The following SEL1L3 variants were observed in gnomAD, a reference collection of about 807,000 sequenced individuals.
The protein encoded by SEL1L3 is protein sel-1 homolog 3.
Under a neutral mutation model 142.8 loss-of-function variants are expected in SEL1L3, and 76 were observed. The ratio of observed to expected loss-of-function variants is 0.53; its 90% CI spans 0.44 to 0.64. SEL1L3 has a LOEUF of 0.64. Ranked by LOEUF, SEL1L3 falls within the 30% of genes least tolerant of loss-of-function variation. The probability of loss-of-function intolerance (pLI) is 0.00; values close to 1 mark genes in which losing one functional copy is unlikely to be tolerated. For synonymous variants in SEL1L3, 504 were observed against 519.6 expected, an observed-to-expected ratio of 0.97 and a Z score of 0.41; for missense variants, 1,262 against 1,381.7, an observed-to-expected ratio of 0.91 and a Z score of 1.37.
At chr4:25,723,040 C>T in the SEL1L3 span, among the ~76,000 whole-genome samples, 1 of 152,112 alleles carries the variant, frequency 6.6e-6, no homozygotes. Context: ...CTGGCAAGAA[C>T]AGTCCTTAAT....
chr4:25,834,898 C>T (rs757807045), intron 3 of SEL1L3, among the ~76,000 whole-genome samples: 1 of 152,234 alleles, frequency 6.6e-6, no homozygotes, highest in Non-Finnish European at 1.5e-5. Flanking sequence ...TGTGTGCTGG[C>T]TTTGGCTGGC....
chr4:25,790,443 C>A lies in SEL1L3; in HGVS notation c.2076+12G>T, dbSNP rs1360711370. 6.2e-7 allele frequency: 1 copy of A among 1,613,440 alleles called. No homozygotes were observed. The highest frequency in any genetic ancestry group is 8.5e-7 in the Non-Finnish European group (1 of 1,179,592). The stretch of plus-strand genomic sequence containing the variant: ...CTGACAGAATCCCCAAGACAGTAGC[C>A]TGCGTTTTTACCTGAGCTGCTGCAT... On this transcript the variant is annotated intron_variant, in intron 12 of 23. Coordinates refer to ENST00000399878, the MANE Select transcript of SEL1L3 (RefSeq NM_015187.5).
At chr4:25,728,897 C>T in the SEL1L3 span, among the ~76,000 whole-genome samples, 1 of 151,720 alleles carries the variant, frequency 6.6e-6, no homozygotes, top group African/African-American at 2.4e-5. Context: ...AAATCCTAAG[C>T]CCCCTGATCA....
intron 23 of SEL1L3, among the ~76,000 whole-genome samples, chr4:25,753,204 A>G (rs1213204804): frequency 5.3e-5 from 8 of 152,256 alleles, no homozygotes; most frequent in African/African-American, 1.9e-4. Flanking sequence ...ATCACAGAGC[A>G]TATAAACTCA....
At position 25,788,894 on chromosome 4, in the gene SEL1L3, G is replaced by GC. The variant is rs768771185; in HGVS notation, c.2077-531dup. Reference sequence around the variant, plus strand: ...TACTTATCTTTGTCCCTGTCTGTTAGCCCCCCAACCCAGCAGAGCTCAGCA... The same window carrying GC: ...TACTTATCTTTGTCCCTGTCTGTTAGCCCCCCCAACCCAGCAGAGCTCAGCA... On this transcript the variant is annotated intron_variant, in intron 12 of 23. Coordinates refer to ENST00000399878, the MANE Select transcript of SEL1L3 (RefSeq NM_015187.5). This position sits in a 1 kb window ranked among gnomAD's most constrained non-coding sequence, Gnocchi z 5.3. 6.6e-6 allele frequency among the ~76,000 whole-genome samples: 1 copy of GC among 152,124 alleles called. No homozygotes were observed. Among genetic ancestry groups the GC allele is most frequent in the Non-Finnish European group, 1.5e-5 (1 of 68,018 alleles).
rs879068722 is a variant in SEL1L3 at position 25,757,457 on chromosome 4, CAAAAAAAA to C, written c.3259+69_3259+76del. 25 of 408,824 alleles carry C rather than the reference CAAAAAAAA, an allele frequency of 6.1e-5. 1 individual carries two copies. Among genetic ancestry groups the C allele is most frequent in the East Asian group, 3.4e-4 (5 of 14,650 alleles). The allele number at this position is 408,824 out of a possible 1,614,324, so 25.3% of individuals were successfully genotyped here. ...GGAAAACACAATTTTTCCAGTAGAC[CAAAAAAAA>C]AAAAAAAAAAAAAAATCCCTGCTTT... On this transcript the variant is annotated intron_variant, in intron 23 of 23. Coordinates refer to ENST00000399878, the MANE Select transcript of SEL1L3 (RefSeq NM_015187.5).
At chr4:25,821,574 C>G (rs1714760100) in intron 7 of SEL1L3, among the ~76,000 whole-genome samples, 2 of 152,212 alleles carry the variant, frequency 1.3e-5, no homozygotes, top group South Asian at 2.1e-4. Flanking sequence ...AGCTGAAGGC[C>G]TGTGTTTCTG....
chr4:25,793,292 C>CT (rs890137088), intron 11 of SEL1L3, among the ~76,000 whole-genome samples: 1 of 151,904 alleles, frequency 6.6e-6, no homozygotes, highest in African/African-American at 2.4e-5. Flanking sequence ...CATGTTTGTC[C>CT]TTTTTTCTGA....
chr4:25,767,330 C>A (rs555996736), intron 19 of SEL1L3, among the ~76,000 whole-genome samples, 195 bp downstream of exon 19: 1 of 152,022 alleles, frequency 6.6e-6, no homozygotes. Context: ...AAGCACTCCA[C>A]GGGACAATGG....
At chr4:25,749,227 T>G (rs4697610) in intron 23 of SEL1L3, among the ~76,000 whole-genome samples, 42,257 of 152,022 alleles carry the variant, frequency 0.28, 6,241 homozygotes, top group African/African-American at 0.36. Context: ...TTAGATGATC[T>G]TGAAACCCAC....
intron 20 of SEL1L3, among the ~76,000 whole-genome samples, chr4:25,761,242 G>A (rs192889393): frequency 4.1e-5 from 6 of 144,978 alleles, no homozygotes; most frequent in South Asian, 2.2e-4. Context: ...TGCATCGTCC[G>A]CCTCCTGGGT....
At chr4:25,863,467 C>A (rs1193578697), upstream of SEL1L3, 2 of 702,872 alleles carry the variant, frequency 2.8e-6, no homozygotes, top group South Asian at 3.0e-5. Flanking sequence ...AGTTCCCGCC[C>A]GTGCAATGGG....
chr4:25,853,044 T>C (rs1419595241), intron 1 of SEL1L3, among the ~76,000 whole-genome samples: 1 of 152,230 alleles, frequency 6.6e-6, no homozygotes, highest in African/African-American at 2.4e-5. Flanking sequence ...GGTTTCAGTT[T>C]TGTTTGATGG....
chr4:25,755,834 A>C (rs117303418), intron 23 of SEL1L3: 1 of 969,368 alleles, frequency 1.0e-6, no homozygotes, highest in East Asian at 1.1e-4. Context: ...AATCATCACA[A>C]TATTTCTACA....
At chr4:25,721,927 A>G in the SEL1L3 span, among the ~76,000 whole-genome samples, 34 of 152,192 alleles carry the variant, frequency 2.2e-4, 1 homozygote, top group Non-Finnish European at 5.9e-5. Context: ...TTGCCATGAG[A>G]TTGCTGGAGA....
Position 25,822,013 on chromosome 4 carries a change from T to C in SEL1L3, c.1273A>G (p.Ser425Gly), listed in dbSNP as rs1266763463. The change falls in exon 7 of 24, where the codon AGT becomes GGT. Residue 425 changes from serine (S) to glycine (G), a missense_variant. Around this residue, in one of 3 missense-constraint regions of SEL1L3, gnomAD observed 689 missense variants for 692.8 expected, o/e 0.99. Transcript: ENST00000399878. ...GGACTCACCTGGGCGGGGTGCAGAC[T>C]GCGAAGGCGATAGTACTTCAGGGGT... ...FGPLKYYRLR[S>G]LHPAQIFNPL... 4 of 1,613,712 alleles carry C rather than the reference T, an allele frequency of 2.5e-6. No homozygotes were observed. Among genetic ancestry groups the C allele is most frequent in the Non-Finnish European group, 2.5e-6 (3 of 1,179,848 alleles).
chr4:25,765,165 T>C (rs1334578970), intron 20 of SEL1L3, among the ~76,000 whole-genome samples, 161 bp downstream of exon 20: 2 of 152,128 alleles, frequency 1.3e-5, no homozygotes, highest in Non-Finnish European at 2.9e-5. Flanking sequence ...CAGCTAATTT[T>C]TGTATTTTTG....
chr4:25,796,713 G>A lies in SEL1L3; in HGVS notation c.1956+5570C>T, dbSNP rs550563926. Among the ~76,000 whole-genome samples, 4 of 150,856 alleles carry A rather than the reference G, an allele frequency of 2.7e-5. No individual in the cohort carries two copies. In the South Asian group the frequency reaches 8.5e-4, roughly 32 times the overall value. ...AGGCTGAGGTATGAGCCCGGGAGGT[G>A]GAGGTTGCAGTGAGCCGAGATCACA... On this transcript the variant is annotated intron_variant, in intron 11 of 23. Transcript: ENST00000399878.
intron 17 of SEL1L3, among the ~76,000 whole-genome samples, chr4:25,771,517 T>G (rs1221682876): frequency 6.6e-6 from 1 of 152,164 alleles, no homozygotes; most frequent in African/African-American, 2.4e-5. Context: ...TTATATTATT[T>G]TGCACGTGCT....
Sources: gnomAD v4.1 joint callset for allele counts (sites outside exome capture counted in the v4.1 genomes callset) on GRCh38, gnomAD v4.1.1 for gene constraint, gnomAD v4.1.1 regional missense constraint, Gnocchi (gnomAD v3.1) non-coding constraint, MANE v1.5 for transcripts, NCBI Gene and HGNC (gene_info 2026-07-23, HGNC 2026-07-21) for gene names.